The following HS3ST4 variants were observed in gnomAD, a reference collection of about 807,000 sequenced individuals.
HS3ST4 encodes heparan sulfate glucosamine 3-O-sulfotransferase 4.
HS3ST4 carries 17 observed loss-of-function variants against 29.2 expected under a neutral mutation model. That is an observed-to-expected ratio of 0.58 (90% confidence interval 0.40 to 0.87). The LOEUF (loss-of-function observed/expected upper bound fraction) is 0.87. Among genes scored for constraint, HS3ST4 ranks in the 40% least tolerant of loss-of-function variants. HS3ST4 has a pLI of 0.00. For synonymous variants in HS3ST4, 314 were observed against 285.7 expected, an observed-to-expected ratio of 1.10 and a Z score of -1.00; for missense variants, 627 against 634.5, an observed-to-expected ratio of 0.99 and a Z score of 0.13.
At chr16:25,837,263 T>C (rs1967365674) in intron 1 of HS3ST4, among the ~76,000 whole-genome samples, 1 of 152,190 alleles carries the variant, frequency 6.6e-6, no homozygotes, top group South Asian at 2.1e-4. Context: ...GGATCCTGGG[T>C]GTGAACCCAC....
At chr16:25,903,302 G>GTGTGTGTATATGTATATATTATATACA (rs151301516) in intron 1 of HS3ST4, among the ~76,000 whole-genome samples, 2 of 103,496 alleles carry the variant, frequency 1.9e-5, no homozygotes, top group Non-Finnish European at 4.0e-5. Flanking sequence ...GTGTGTGTGT[G>GTGTGTGTATATGTATATATTATATACA]TATGTATATG....
intron 1 of HS3ST4, among the ~76,000 whole-genome samples, chr16:26,024,671 G>T (rs1169729772): frequency 1.3e-5 from 2 of 152,192 alleles, no homozygotes; most frequent in Non-Finnish European, 2.9e-5. Flanking sequence ...GGCAGAGACT[G>T]CAGTGAGCCA....
At chr16:25,985,767 G>A (rs1969055907) in intron 1 of HS3ST4, among the ~76,000 whole-genome samples, 2 of 152,080 alleles carry the variant, frequency 1.3e-5, no homozygotes, top group South Asian at 2.1e-4. Flanking sequence ...GTTCACTACA[G>A]CCTCAACCGC....
At chr16:26,013,682 C>T (rs1229554545) in intron 1 of HS3ST4, among the ~76,000 whole-genome samples, 4 of 152,234 alleles carry the variant, frequency 2.6e-5, no homozygotes, top group African/African-American at 4.8e-5. Flanking sequence ...ATGCTTCCTT[C>T]TCAGAGAGAT....
At chr16:25,744,007 T>C (rs906681647) in intron 1 of HS3ST4, among the ~76,000 whole-genome samples, 1 of 152,214 alleles carries the variant, frequency 6.6e-6, no homozygotes, top group African/African-American at 2.4e-5. Context: ...TCAAGGCCTT[T>C]GATTACACTT....
At chr16:25,922,398 T>C (rs939975007) in intron 1 of HS3ST4, among the ~76,000 whole-genome samples, 2 of 152,168 alleles carry the variant, frequency 1.3e-5, no homozygotes, top group African/African-American at 4.8e-5. Flanking sequence ...AACCAGTAAA[T>C]AGATCCTCGC....
At chr16:25,933,831 C>T (rs902959353) in intron 1 of HS3ST4, among the ~76,000 whole-genome samples, 9 of 152,020 alleles carry the variant, frequency 5.9e-5, no homozygotes, top group Non-Finnish European at 1.3e-4. Context: ...ACAACCAGAT[C>T]TCCTGGGAAC....
chr16:25,855,614 C>T (rs1967567397), intron 1 of HS3ST4, among the ~76,000 whole-genome samples: 2 of 152,034 alleles, frequency 1.3e-5, no homozygotes, highest in South Asian at 4.1e-4. Flanking sequence ...TAGTGCTGGT[C>T]AGTTGTGACT....
chr16:25,923,673 A>T (rs1342340229), intron 1 of HS3ST4, among the ~76,000 whole-genome samples: 1 of 152,160 alleles, frequency 6.6e-6, no homozygotes, highest in Non-Finnish European at 1.5e-5. Context: ...TCAGGAAATA[A>T]AATTTGGTGG....
chr16:25,928,857 C>T (rs1968436356), intron 1 of HS3ST4, among the ~76,000 whole-genome samples: 1 of 152,096 alleles, frequency 6.6e-6, no homozygotes, highest in Non-Finnish European at 1.5e-5. Context: ...CCTGAAAGCG[C>T]TTGAGAAGTT....
rs146519882 is a variant in HS3ST4 at position 26,055,777 on chromosome 16, A to C, written c.735-79835A>C. On this transcript the variant is annotated intron_variant, in intron 1 of 1. Coordinates refer to ENST00000331351, the MANE Select transcript of HS3ST4 (RefSeq NM_006040.3). ...CTCCTCTTAAGTGTTTTTGGGATGA[A>C]TAATATGCTGATATATTGTAGCTCA... 1.3e-3 allele frequency among the ~76,000 whole-genome samples: 202 copies of C among 152,234 alleles called. No individual in the cohort carries two copies. In the Middle Eastern group the frequency reaches 0.031, roughly 23 times the overall value.
intron 1 of HS3ST4, among the ~76,000 whole-genome samples, chr16:25,913,283 G>A (rs1968258209): frequency 6.6e-6 from 1 of 152,250 alleles, no homozygotes. Context: ...ATGGTTAAGA[G>A]ATGAGGCTTT....
chr16:25,990,622 T>C (rs1969106073), intron 1 of HS3ST4, among the ~76,000 whole-genome samples: 1 of 152,210 alleles, frequency 6.6e-6, no homozygotes, highest in Non-Finnish European at 1.5e-5. Flanking sequence ...TTGGGAGGAA[T>C]TAATCTTCAC....
chr16:25,974,575 C>T (rs1197046657), intron 1 of HS3ST4, among the ~76,000 whole-genome samples: 2 of 151,410 alleles, frequency 1.3e-5, no homozygotes, highest in Non-Finnish European at 3.0e-5. Flanking sequence ...CAAAGAAACT[C>T]TCCCCTTTAG....
chr16:26,107,522 T>G (rs1429031174), intron 1 of HS3ST4, among the ~76,000 whole-genome samples: 2 of 152,158 alleles, frequency 1.3e-5, no homozygotes, highest in African/African-American at 4.8e-5. Context: ...CAAAATATAG[T>G]TTTTTATCCC....
chr16:25,948,778 T>A (rs1192211623), intron 1 of HS3ST4, among the ~76,000 whole-genome samples: 1 of 152,184 alleles, frequency 6.6e-6, no homozygotes, highest in African/African-American at 2.4e-5. Context: ...TGAGCACTTA[T>A]AGTGACAAAA....
At chr16:25,921,012 T>G (rs113088835) in intron 1 of HS3ST4, among the ~76,000 whole-genome samples, 4,077 of 152,272 alleles carry the variant, frequency 0.027, 78 homozygotes, top group Middle Eastern at 0.051. Flanking sequence ...CGACACTCTA[T>G]CTGGGACACG....
At chr16:26,023,417 T>A (rs534060301) in intron 1 of HS3ST4, among the ~76,000 whole-genome samples, 1 of 152,092 alleles carries the variant, frequency 6.6e-6, no homozygotes, top group Non-Finnish European at 1.5e-5. Context: ...ATTTTTTTTT[T>A]AAGACAGGGT....
intron 1 of HS3ST4, among the ~76,000 whole-genome samples, chr16:25,975,085 T>C (rs1968930759): frequency 6.6e-6 from 1 of 152,054 alleles, no homozygotes; most frequent in South Asian, 2.1e-4. Context: ...TTTTGAAAAA[T>C]ATCACCCTGG....
Sources: gnomAD v4.1 joint callset for allele counts (sites outside exome capture counted in the v4.1 genomes callset) on GRCh38, gnomAD v4.1.1 for gene constraint, MANE v1.5 for transcripts, NCBI Gene and HGNC (gene_info 2026-07-23, HGNC 2026-07-21) for gene names.